UNC13C: variants seen among roughly 807,000 people sequenced by gnomAD.
The protein encoded by UNC13C is protein unc-13 homolog C.
UNC13C carries 174 observed loss-of-function variants against 245.4 expected under a neutral mutation model. The ratio of observed to expected loss-of-function variants is 0.71; its 90% CI spans 0.63 to 0.80. UNC13C has a LOEUF of 0.80. Ranked by LOEUF, UNC13C falls within the 30% of genes least tolerant of loss-of-function variation. The pLI is 0.00. For synonymous variants in UNC13C, 992 were observed against 895.1 expected, an observed-to-expected ratio of 1.11 and a Z score of -1.93; for missense variants, 2,829 against 2,602.9, an observed-to-expected ratio of 1.09 and a Z score of -1.89.
intron 2 of UNC13C, among the ~76,000 whole-genome samples, chr15:54,086,207 C>T (rs1899229571): frequency 6.6e-6 from 1 of 152,138 alleles, no homozygotes; most frequent in Non-Finnish European, 1.5e-5. Context: ...TAACCAGTCT[C>T]TCCTCCTCCC....
chr15:54,370,994 C>A (rs1478434914), intron 17 of UNC13C, among the ~76,000 whole-genome samples: 1 of 152,064 alleles, frequency 6.6e-6, no homozygotes, highest in Non-Finnish European at 1.5e-5. Flanking sequence ...TGCATGACCT[C>A]ACATAGTTAT....
chr15:54,339,648 T>G lies in UNC13C; in HGVS notation c.4713+1159T>G, dbSNP rs892949231. On this transcript the variant is annotated intron_variant, in intron 17 of 32. Coordinates refer to ENST00000260323, the MANE Select transcript of UNC13C (RefSeq NM_001080534.3). ...GTATTCCATTATGTGGAGATATATA[T>G]ATATATATATATATATCACAGTTTG... Among the ~76,000 whole-genome samples the G allele has an allele frequency of 2.3e-3, 197 of 87,388 alleles. 1 individual carries two copies. In the East Asian group the frequency reaches 0.028, roughly 13 times the overall value. The allele number at this position is 87,388 out of a possible 152,430, so 57.3% of individuals were successfully genotyped here.
At chr15:54,629,344 C>A (rs1052461668), downstream of UNC13C, 1 of 151,888 alleles carries the variant, frequency 6.6e-6, no homozygotes, top group African/African-American at 2.4e-5. Context: ...AGCTTACTAC[C>A]TGGGTGACAA....
At chr15:54,225,846 G>C (rs1024075596) in intron 4 of UNC13C, among the ~76,000 whole-genome samples, 1 of 152,112 alleles carries the variant, frequency 6.6e-6, no homozygotes, top group Non-Finnish European at 1.5e-5. Flanking sequence ...ATACTATGTT[G>C]AATAGGAGTG....
chr15:54,028,046 T>G (rs1896190824), intron 2 of UNC13C, among the ~76,000 whole-genome samples: 1 of 152,184 alleles, frequency 6.6e-6, no homozygotes, highest in African/African-American at 2.4e-5. Flanking sequence ...ACATTAACAC[T>G]GTACATAAAC....
intron 19 of UNC13C, among the ~76,000 whole-genome samples, chr15:54,486,009 A>G (rs1420547846): frequency 6.6e-6 from 1 of 152,028 alleles, no homozygotes; most frequent in Non-Finnish European, 1.5e-5. Context: ...ATTATACTTC[A>G]CATTATATTG....
At chr15:53,874,749 C>T in the UNC13C span, among the ~76,000 whole-genome samples, 1 of 152,182 alleles carries the variant, frequency 6.6e-6, no homozygotes, top group East Asian at 1.9e-4. Context: ...TGGTACCACT[C>T]ACTTGGCACT....
intron 32 of UNC13C, among the ~76,000 whole-genome samples, chr15:54,626,270 T>C (rs1300087860): frequency 6.7e-6 from 1 of 149,660 alleles, no homozygotes; most frequent in Non-Finnish European, 1.5e-5. Flanking sequence ...GAATCGGCAT[T>C]GAATCACCAG....
At chr15:54,171,626 A>C (rs952442043) in intron 4 of UNC13C, among the ~76,000 whole-genome samples, 1 of 152,072 alleles carries the variant, frequency 6.6e-6, no homozygotes, top group Admixed American at 6.6e-5. Context: ...AGAATGTGGA[A>C]AAAAGGGAAT....
chr15:54,317,756 C>T (rs868049506), intron 13 of UNC13C, among the ~76,000 whole-genome samples: 9 of 151,876 alleles, frequency 5.9e-5, no homozygotes, highest in Admixed American at 2.6e-4. Context: ...TTTTAACATC[C>T]GTTCTCCTAG....
intron 14 of UNC13C, among the ~76,000 whole-genome samples, chr15:54,331,075 TTA>T (rs938411233): frequency 4.6e-5 from 7 of 152,146 alleles, no homozygotes; most frequent in African/African-American, 1.4e-4. Flanking sequence ...GGCATAAGAG[TTA>T]TATACCCCAT....
At chr15:54,341,360 A>C (rs2038724853) in intron 17 of UNC13C, among the ~76,000 whole-genome samples, 2 of 152,160 alleles carry the variant, frequency 1.3e-5, no homozygotes, top group South Asian at 4.1e-4. Context: ...CAGGAAAGGA[A>C]AACTAAATAC....
intron 14 of UNC13C, among the ~76,000 whole-genome samples, chr15:54,323,128 A>T (rs1468693566): frequency 1.3e-5 from 2 of 151,764 alleles, no homozygotes; most frequent in Non-Finnish European, 2.9e-5. Context: ...GTTACAGAGT[A>T]TATTGTTTAG....
At chr15:54,188,120 A>T (rs1445579503) in intron 4 of UNC13C, among the ~76,000 whole-genome samples, 1 of 152,148 alleles carries the variant, frequency 6.6e-6, no homozygotes, top group African/African-American at 2.4e-5. Context: ...GCCCGGCCAC[A>T]CTGTATGTTT....
At chr15:54,146,685 TG>T (rs1247700093) in intron 4 of UNC13C, among the ~76,000 whole-genome samples, 1 of 152,212 alleles carries the variant, frequency 6.6e-6, no homozygotes, top group Non-Finnish European at 1.5e-5. Context: ...TACCCTTTAG[TG>T]GTTTTATAAG....
Position 54,250,283 on chromosome 15 carries a change from T to A in UNC13C, c.3287T>A (p.Ile1096Asn). The change falls in exon 8 of 33, where the codon ATC becomes AAC. Residue 1096 changes from isoleucine to asparagine, a missense_variant. By Grantham distance (149) the Ile-to-Asn change is moderately radical. Transcript: ENST00000260323. ...CTGATCTACCCTATGTCTTCTACCA[T>A]CCCACACAATTTTGAGGTCTGGACG... is the stretch of plus-strand genomic sequence containing the variant. ...QALIYPMSST[I>N]PHNFEVWTAT... 6.2e-7 allele frequency: 1 copy of A among 1,613,940 alleles called. No homozygotes were observed. Among genetic ancestry groups the A allele is most frequent in the East Asian group, 2.2e-5 (1 of 44,866 alleles).
intron 11 of UNC13C, among the ~76,000 whole-genome samples, chr15:54,297,554 A>G (rs1046117850): frequency 2.0e-5 from 3 of 152,024 alleles, no homozygotes; most frequent in African/African-American, 7.2e-5. Context: ...AGATCTTGCT[A>G]TGTTGCCTAG....
intron 4 of UNC13C, among the ~76,000 whole-genome samples, chr15:54,231,501 C>T (rs1366057563): frequency 6.8e-6 from 1 of 147,444 alleles, no homozygotes; most frequent in East Asian, 2.0e-4. Context: ...AGGATTCTGT[C>T]TTCATTTTCT....
intron 19 of UNC13C, among the ~76,000 whole-genome samples, chr15:54,437,577 A>G (rs1273665002): frequency 6.6e-6 from 1 of 151,922 alleles, no homozygotes; most frequent in Non-Finnish European, 1.5e-5. Flanking sequence ...AAGTCACGCC[A>G]CAAAGTTTAA....
Sources: gnomAD v4.1 joint callset for allele counts (sites outside exome capture counted in the v4.1 genomes callset) on GRCh38, gnomAD v4.1.1 for gene constraint, MANE v1.5 for transcripts, NCBI Gene and HGNC (gene_info 2026-07-23, HGNC 2026-07-21) for gene names.